Variants in SMIM35 observed in about 807,000 individuals in gnomAD.
SMIM35 encodes small integral membrane protein 35.
intron 1 of SMIM35, among the ~76,000 whole-genome samples, chr11:118,058,569 G>A (rs1460734003): frequency 2.0e-5 from 3 of 152,166 alleles, no homozygotes; most frequent in African/African-American, 4.8e-5. Flanking sequence ...GAGTAGAAGC[G>A]AAACCAGAAA....
At chr11:118,048,128 A>G (rs1230056608) in intron 1 of SMIM35, among the ~76,000 whole-genome samples, 1 of 147,516 alleles carries the variant, frequency 6.8e-6, no homozygotes, top group Non-Finnish European at 1.5e-5. Flanking sequence ...CACGTTTTTA[A>G]GAAGAGACTT....
intron 4 of SMIM35, among the ~76,000 whole-genome samples, chr11:118,008,410 A>G (rs575468202): frequency 5.3e-5 from 8 of 152,302 alleles, no homozygotes; most frequent in African/African-American, 1.9e-4. Flanking sequence ...GGAGCACCAG[A>G]GACTCTGGCC....
At chr11:118,043,682 C>T (rs1041885900) in intron 1 of SMIM35, among the ~76,000 whole-genome samples, 7 of 151,652 alleles carry the variant, frequency 4.6e-5, no homozygotes, top group Non-Finnish European at 8.8e-5. Flanking sequence ...TGGTGGTGGG[C>T]GCCTGTAGTC....
intron 1 of SMIM35, among the ~76,000 whole-genome samples, chr11:118,073,992 G>A (rs942002680): frequency 6.6e-6 from 1 of 152,196 alleles, no homozygotes; most frequent in Non-Finnish European, 1.5e-5. Flanking sequence ...GAGACCTGTT[G>A]GTCCTTAAAC....
chr11:118,054,951 G>A (rs1023262061), intron 1 of SMIM35, among the ~76,000 whole-genome samples: 3 of 151,860 alleles, frequency 2.0e-5, no homozygotes, highest in African/African-American at 7.3e-5. Flanking sequence ...TTACAGGTGC[G>A]CGCCACCATG....
At chr11:118,084,574 A>G (rs370502965) in intron 1 of SMIM35, among the ~76,000 whole-genome samples, 2 of 152,238 alleles carry the variant, frequency 1.3e-5, no homozygotes, top group East Asian at 3.9e-4. Context: ...GGCCTCCAGA[A>G]CAAACGAGAA....
chr11:118,075,441 C>A (rs576136946), intron 1 of SMIM35, among the ~76,000 whole-genome samples: 29 of 152,338 alleles, frequency 1.9e-4, no homozygotes, highest in African/African-American at 6.7e-4. Context: ...TCACTGGGGT[C>A]CTCCATGGGC....
chr11:118,060,878 T>A (rs1944384198), intron 1 of SMIM35, among the ~76,000 whole-genome samples: 1 of 152,220 alleles, frequency 6.6e-6, no homozygotes, highest in South Asian at 2.1e-4. Flanking sequence ...ACACCCACCC[T>A]GGCCCCCTTT....
chr11:118,072,133 T>G (rs655157), intron 1 of SMIM35, among the ~76,000 whole-genome samples: 110,794 of 152,076 alleles, frequency 0.73, 40,795 homozygotes, highest in Admixed American at 0.8. Context: ...GGTGGATGGA[T>G]GGCCAGGCAC....
chr11:118,070,482 A>T (rs554753479), intron 1 of SMIM35, among the ~76,000 whole-genome samples: 97 of 152,270 alleles, frequency 6.4e-4, no homozygotes, highest in African/African-American at 2.3e-3. Context: ...CAGCCTCTAG[A>T]CAGATTCTTA....
chr11:118,079,810 C>A (rs1944987334), intron 1 of SMIM35, among the ~76,000 whole-genome samples: 1 of 152,172 alleles, frequency 6.6e-6, no homozygotes, highest in Admixed American at 6.5e-5. Flanking sequence ...ACTGCAGGGT[C>A]CACCCTGACT....
chr11:118,078,952 G>T (rs1018795845), intron 1 of SMIM35, among the ~76,000 whole-genome samples: 1 of 152,158 alleles, frequency 6.6e-6, no homozygotes, highest in African/African-American at 2.4e-5. Context: ...CAGATGTAAG[G>T]ACTTAGGACT....
intron 1 of SMIM35, among the ~76,000 whole-genome samples, chr11:118,085,661 C>T (rs1436831965): frequency 6.6e-6 from 1 of 152,214 alleles, no homozygotes; most frequent in Non-Finnish European, 1.5e-5. Context: ...GAGAGAACCC[C>T]TCTAAGCTTT....
Position 118,004,212 on chromosome 11 carries a change from C to T in SMIM35, c.*2198G>A, listed in dbSNP as rs968463638. 4 of 152,184 alleles carry T rather than the reference C, an allele frequency of 2.6e-5. No homozygotes were observed. Among genetic ancestry groups the T allele is most frequent in the Non-Finnish European group, 5.9e-5 (4 of 68,048 alleles). 9.4% of individuals were successfully genotyped at this position (152,184 alleles called of 1,614,324 possible). A position where few individuals can be genotyped will look rare whatever the true frequency, so the allele number is the denominator to read the frequency against. ...TCCCAGAGGCTTTACCTCCAAATAC[C>T]GTCACATTGGGAGTGACAGCTTCAA... On this transcript the variant is annotated 3_prime_UTR_variant, in exon 5 of 5. Coordinates refer to ENST00000689828, the MANE Select transcript of SMIM35 (RefSeq NM_001394165.1).
chr11:118,028,644 G>A, intron 1 of SMIM35: 1 of 231,022 alleles, frequency 4.3e-6, no homozygotes, highest in Non-Finnish European at 8.9e-6. Context: ...AAGAAAATTG[G>A]CATAAAATTT....
chr11:118,019,295 G>A (rs2058207403), intron 1 of SMIM35, among the ~76,000 whole-genome samples: 1 of 152,176 alleles, frequency 6.6e-6, no homozygotes, highest in South Asian at 2.1e-4. Flanking sequence ...AGGTAGTACA[G>A]AATAGTGATC....
At chr11:118,023,964 G>A (rs1169328353) in intron 1 of SMIM35, among the ~76,000 whole-genome samples, 1 of 151,828 alleles carries the variant, frequency 6.6e-6, no homozygotes, top group Non-Finnish European at 1.5e-5. Context: ...AACCTGGGTG[G>A]TGGAGGTTGC....
chr11:118,083,437 G>A (rs1945309554), intron 1 of SMIM35, among the ~76,000 whole-genome samples: 1 of 152,080 alleles, frequency 6.6e-6, no homozygotes, highest in African/African-American at 2.4e-5. Context: ...AGTCCACAGA[G>A]TCCCCTGCTG....
chr11:118,083,903 T>C (rs1374505112), intron 1 of SMIM35, among the ~76,000 whole-genome samples: 2 of 152,030 alleles, frequency 1.3e-5, no homozygotes, highest in Admixed American at 6.6e-5. Context: ...TGGGCGGTGG[T>C]GGCAGACGCC....
Sources: allele counts gnomAD v4.1 joint callset (sites outside exome capture counted in the v4.1 genomes callset), GRCh38; gene constraint gnomAD v4.1.1; transcripts MANE v1.5; gene names NCBI Gene and HGNC (gene_info 2026-07-23, HGNC 2026-07-21).